MYBPC1: variants seen among roughly 807,000 people sequenced by gnomAD.
The protein encoded by MYBPC1 is myosin-binding protein C, slow-type.
MYBPC1 carries 52 observed loss-of-function variants against 147.1 expected under a neutral mutation model. The observed-to-expected ratio is 0.35, with a 90% CI of 0.28 to 0.45. The LOEUF is 0.45. Ranked by LOEUF, MYBPC1 falls within the 20% of genes least tolerant of loss-of-function variation. MYBPC1 has a pLI of 1.00. For missense variants in MYBPC1, 1,228 were observed against 1,440.3 expected (o/e 0.85, Z 2.39); for synonymous variants, 477 against 475.9 (o/e 1.00, Z -0.03).
intron 22 of MYBPC1, chr12:101,666,773 G>A: frequency 3.1e-6 from 5 of 1,613,836 alleles, no homozygotes; most frequent in Middle Eastern, 1.7e-4. Context: ...TGATGAAAAT[G>A]GGGAGGCTGC....
At chr12:101,649,502 T>G in intron 15 of MYBPC1, 76 bp downstream of exon 15, 1 of 1,516,178 alleles carries the variant, frequency 6.6e-7, no homozygotes, top group Non-Finnish European at 9.1e-7. Flanking sequence ...TCAGAAAAGT[T>G]TCTATTTGAT....
intron 16 of MYBPC1, 117 bp from the exon 17 acceptor site, chr12:101,652,557 TCTCC>T (rs571374055): frequency 2.8e-6 from 2 of 718,028 alleles, no homozygotes; most frequent in Non-Finnish European, 2.5e-6. Context: ...TCTCTCTCTC[TCTCC>T]CTCTCTTTCC....
Position 101,601,899 on chromosome 12 carries a change from A to G in MYBPC1, c.25+6804A>G, listed in dbSNP as rs76862862. On this transcript the variant is annotated intron_variant, in intron 1 of 31. Transcript: ENST00000361466. The stretch of plus-strand genomic sequence containing the variant: ...AACAGAATGCTCTACTTAAAACTCA[A>G]AATGTGTCCTTTTTAATTCTACATT... Among the ~76,000 whole-genome samples, 1,078 of 152,308 alleles carry G rather than the reference A, an allele frequency of 7.1e-3. 32 individuals carry two copies. In the South Asian group the frequency reaches 0.1, roughly 14 times the overall value.
At position 101,614,432 on chromosome 12, in the gene MYBPC1, G is replaced by T. The variant is rs1885317632; in HGVS notation, c.26-64G>T. On this transcript the variant is annotated intron_variant, in intron 1 of 31. Transcript: ENST00000361466. ...CCTGCAGCAGAAGCTGCCTGGGGCT[G>T]TAGAAAGCAGTTCTTCTCTGTGATA... 6 of 1,590,810 alleles carry T rather than the reference G, an allele frequency of 3.8e-6. No homozygotes were observed. The Middle Eastern group carries it at 1.0e-3, about 267-fold the overall frequency.
intron 28 of MYBPC1, 46 bp downstream of exon 28, chr12:101,678,284 T>A: frequency 1.2e-6 from 2 of 1,606,782 alleles, no homozygotes; most frequent in Non-Finnish European, 1.7e-6. Flanking sequence ...TGTCTTGTAT[T>A]TGTTGTGTTA....
In MYBPC1 at chr12:101,667,966, A is replaced by G. The variant is rs141423772; in HGVS notation, c.2524+67A>G. On this transcript the variant is annotated intron_variant, in intron 23 of 31. Transcript: ENST00000361466. ...GGTTCACTTTTTTTTTCTTCAAACT[A>G]CTTTCTTTCTCAAAACCTCCTATTT... The G allele has an allele frequency of 1.2e-5, 18 of 1,540,458 alleles. No individual in the cohort carries two copies. The East Asian group carries it at 4.0e-4, about 35-fold the overall frequency.
intron 18 of MYBPC1, among the ~76,000 whole-genome samples, chr12:101,654,348 C>G (rs1475091749): frequency 6.6e-6 from 1 of 152,082 alleles, no homozygotes; most frequent in Non-Finnish European, 1.5e-5. Context: ...AATATGTGAA[C>G]AATGGGTTTC....
At chr12:101,627,910 G>T in intron 5 of MYBPC1, 106 bp downstream of exon 5, 1 of 1,337,984 alleles carries the variant, frequency 7.5e-7, no homozygotes. Context: ...TATTCAGATT[G>T]TAGTTTTTAC....
chr12:101,689,946 A>T (rs1594111901), downstream of MYBPC1, among the ~76,000 whole-genome samples: 1 of 152,182 alleles, frequency 6.6e-6, no homozygotes, highest in Non-Finnish European at 1.5e-5. Context: ...AGGCCGAGGC[A>T]GGTGGATCAC....
At chr12:101,675,168 T>C in intron 25 of MYBPC1, 124 bp from the exon 26 acceptor site, 1 of 1,322,556 alleles carries the variant, frequency 7.6e-7, no homozygotes. Context: ...GCCCCCATGG[T>C]AGGGTCTAGA....
At chr12:101,678,571 AAAC>A (rs1197161732) in intron 28 of MYBPC1, among the ~76,000 whole-genome samples, 2 of 152,230 alleles carry the variant, frequency 1.3e-5, no homozygotes, top group African/African-American at 2.4e-5. Flanking sequence ...AGGTTAAAGT[AAAC>A]AACAATCACA....
chr12:101,614,555 C>A (rs1341904028), intron 2 of MYBPC1, 24 bp downstream of exon 2: 2 of 1,612,010 alleles, frequency 1.2e-6, no homozygotes, highest in African/African-American at 2.7e-5. Context: ...CTCACTCACA[C>A]ACGTTTGGGC....
intron 22 of MYBPC1, chr12:101,666,618 C>G: frequency 1.0e-6 from 1 of 961,388 alleles, no homozygotes; most frequent in South Asian, 1.3e-5. Flanking sequence ...TCCGTCACTG[C>G]TCTGAGGACA....
chr12:101,595,117 T>C (rs1275198647), intron 1 of MYBPC1, 22 bp downstream of exon 1: 1 of 1,601,752 alleles, frequency 6.2e-7, no homozygotes, highest in Non-Finnish European at 8.6e-7. Flanking sequence ...CTAGAAATCT[T>C]TTTGTTGTAC....
At chr12:101,644,025 T>C (rs1892585168) in intron 11 of MYBPC1, among the ~76,000 whole-genome samples, 2 of 152,070 alleles carry the variant, frequency 1.3e-5, no homozygotes, top group Admixed American at 6.6e-5. Flanking sequence ...AGAATAAGCA[T>C]GTTCTTTTAT....
intron 19 of MYBPC1, 108 bp downstream of exon 19, chr12:101,659,939 C>CTTTT: frequency 7.1e-7 from 1 of 1,402,014 alleles, no homozygotes; most frequent in African/African-American, 1.4e-5. Context: ...TTGTCTTTCC[C>CTTTT]TTATCTTCTT....
At chr12:101,614,600 G>A in intron 2 of MYBPC1, 69 bp downstream of exon 2, 1 of 1,530,072 alleles carries the variant, frequency 6.5e-7, no homozygotes, top group Non-Finnish European at 9.0e-7. Flanking sequence ...GCATGATTTG[G>A]CCTCCACGGG....
chr12:101,651,676 C>T (rs1593909176), intron 16 of MYBPC1, among the ~76,000 whole-genome samples: 1 of 152,172 alleles, frequency 6.6e-6, no homozygotes, highest in Admixed American at 6.5e-5. Context: ...CACCATGGCT[C>T]ATGCCTGTAA....
chr12:101,617,322 G>T, intron 3 of MYBPC1, 79 bp downstream of exon 3: 2 of 1,442,610 alleles, frequency 1.4e-6, no homozygotes, highest in South Asian at 1.2e-5. Flanking sequence ...TTGTCATGGT[G>T]GCTCCATAGA....
Sources: allele counts gnomAD v4.1 joint callset (sites outside exome capture counted in the v4.1 genomes callset), GRCh38; gene constraint gnomAD v4.1.1; transcripts MANE v1.5; gene names NCBI Gene and HGNC (gene_info 2026-07-23, HGNC 2026-07-21).